ADGRL3: variants seen among roughly 807,000 people sequenced by gnomAD.
ADGRL3 encodes the protein calcium-independent alpha-latrotoxin receptor 3.
ADGRL3 carries 62 observed loss-of-function variants against 153.5 expected under a neutral mutation model. The observed-to-expected ratio is 0.40, with a 90% CI of 0.33 to 0.50. The LOEUF (loss-of-function observed/expected upper bound fraction) is 0.50, where lower values mean the gene tolerates loss of function less well. Among genes scored for constraint, ADGRL3 ranks in the 20% least tolerant of loss-of-function variants. The probability of loss-of-function intolerance (pLI) is 0.47; values close to 1 mark genes in which losing one functional copy is unlikely to be tolerated. For synonymous variants in ADGRL3, 710 were observed against 672.5 expected, an observed-to-expected ratio of 1.06 and a Z score of -0.86; for missense variants, 1,641 against 1,859.4, an observed-to-expected ratio of 0.88 and a Z score of 2.16.
intron 4 of ADGRL3, among the ~76,000 whole-genome samples, chr4:61,570,351 C>G (rs1165422930): frequency 5.9e-5 from 9 of 152,094 alleles, no homozygotes; most frequent in Non-Finnish European, 1.5e-5. Context: ...GGGTATTACT[C>G]TCTTTCTATT....
chr4:61,860,928 C>T (rs1031876529), intron 9 of ADGRL3, among the ~76,000 whole-genome samples: 4 of 152,118 alleles, frequency 2.6e-5, no homozygotes, highest in African/African-American at 7.2e-5. Flanking sequence ...TCAGTCTGAT[C>T]GTTAAGTCTT....
At position 61,735,968 on chromosome 4, in the gene ADGRL3, C is replaced by T. The variant is rs547249641; in HGVS notation, c.1399+2414C>T. 7.2e-5 allele frequency among the ~76,000 whole-genome samples: 11 copies of T among 151,728 alleles called. No individual in the cohort carries two copies. In the East Asian group the frequency reaches 9.7e-4, roughly 13 times the overall value. Reference sequence around the variant, plus strand: ...ATAATCCCATGTGTTTAAAAACTTGCCAAAAATATTTTTAGCATACATACA... The same window carrying T: ...ATAATCCCATGTGTTTAAAAACTTGTCAAAAATATTTTTAGCATACATACA... On this transcript the variant is annotated intron_variant, in intron 8 of 26. Coordinates refer to ENST00000683033, the MANE Select transcript of ADGRL3 (RefSeq NM_001387552.1).
intron 4 of ADGRL3, among the ~76,000 whole-genome samples, chr4:61,557,817 G>GTTTT (rs1190393227): frequency 6.6e-6 from 1 of 151,380 alleles, no homozygotes; most frequent in African/African-American, 2.4e-5. Context: ...TGTTTGATTG[G>GTTTT]TTTTGTTTGT....
chr4:61,773,926 A>C (rs1462453391), intron 8 of ADGRL3, among the ~76,000 whole-genome samples: 1 of 152,186 alleles, frequency 6.6e-6, no homozygotes, highest in Non-Finnish European at 1.5e-5. Flanking sequence ...TGGGAAGGTA[A>C]ATATATGCGG....
chr4:61,772,923 T>G (rs1384086132), intron 8 of ADGRL3, among the ~76,000 whole-genome samples: 1 of 152,178 alleles, frequency 6.6e-6, no homozygotes, highest in Non-Finnish European at 1.5e-5. Flanking sequence ...TTTAAAATAT[T>G]ATGTTTAAAA....
intron 2 of ADGRL3, among the ~76,000 whole-genome samples, chr4:61,446,639 G>C (rs771682958): frequency 6.6e-6 from 1 of 152,140 alleles, no homozygotes; most frequent in African/African-American, 2.4e-5. Flanking sequence ...AAGATAATAT[G>C]TTGGTTGATC....
rs868603233 is a variant in ADGRL3 at position 61,989,128 on chromosome 4, T to C, written c.3236+5525T>C. Among the ~76,000 whole-genome samples, 9 of 152,206 alleles carry C rather than the reference T, an allele frequency of 5.9e-5. No individual in the cohort carries two copies. In the South Asian group the frequency reaches 1.0e-3, roughly 18 times the overall value. On this transcript the variant is annotated intron_variant, in intron 19 of 26. Transcript: ENST00000683033. The stretch of plus-strand genomic sequence containing the variant: ...ATGTAGGTAGAAAAGTGATTATAGA[T>C]TTCTAAAAAATATCAGATTAGTGTA...
In ADGRL3 at chr4:61,210,798, T is replaced by C. The variant is rs189923010; in HGVS notation, c.-240+9033T>C. On this transcript the variant is annotated intron_variant, in intron 1 of 26. Transcript: ENST00000683033. Reference sequence around the variant, plus strand: ...CTTCAAGGCGTGGACAAAGAACCTATTGAGAAATCATTTTCTGTTAACACA... The same window carrying C: ...CTTCAAGGCGTGGACAAAGAACCTACTGAGAAATCATTTTCTGTTAACACA... Among the ~76,000 whole-genome samples, 12 of 152,342 alleles carry C rather than the reference T, an allele frequency of 7.9e-5. No individual in the cohort carries two copies. In the South Asian group the frequency reaches 1.2e-3, roughly 16 times the overall value.
At position 61,745,513 on chromosome 4, in the gene ADGRL3, G is replaced by A. The variant is rs962744815; in HGVS notation, c.1399+11959G>A. 1.9e-3 allele frequency among the ~76,000 whole-genome samples: 295 copies of A among 152,204 alleles called. 2 individuals carry two copies. The highest frequency in any genetic ancestry group is 2.5e-3 in the African/African-American group (105 of 41,514). On this transcript the variant is annotated intron_variant, in intron 8 of 26. Coordinates refer to ENST00000683033, the MANE Select transcript of ADGRL3 (RefSeq NM_001387552.1). ...CCATCAGACTAACAGCTGATCTCTCGGCAGAAACTCTACAAGCCAGAAGAC... is the reference window on the plus strand; with the variant it reads ...CCATCAGACTAACAGCTGATCTCTCAGCAGAAACTCTACAAGCCAGAAGAC...
intron 2 of ADGRL3, among the ~76,000 whole-genome samples, chr4:61,471,453 ATTTG>A (rs1189144105): frequency 4.6e-5 from 7 of 151,790 alleles, no homozygotes; most frequent in East Asian, 1.9e-4. Flanking sequence ...TTAAATACCA[ATTTG>A]TTTGTTTTTT....
At chr4:61,408,539 G>T (rs919708071) in intron 2 of ADGRL3, among the ~76,000 whole-genome samples, 1 of 151,536 alleles carries the variant, frequency 6.6e-6, no homozygotes, top group Non-Finnish European at 1.5e-5. Context: ...GTATTTTCCA[G>T]TTCTTATTGG....
intron 8 of ADGRL3, among the ~76,000 whole-genome samples, chr4:61,761,325 T>G (rs79959286): frequency 0.02 from 3,103 of 152,300 alleles, 72 homozygotes; most frequent in East Asian, 0.076. Flanking sequence ...ATAAACTAAG[T>G]TCCTCCCAAA....
chr4:62,031,729 C>A, intron 23 of ADGRL3, 119 bp downstream of exon 23: 1 of 690,824 alleles, frequency 1.4e-6, no homozygotes, highest in Non-Finnish European at 2.3e-6. Flanking sequence ...TAAAGATACT[C>A]ATCATTTATA....
intron 2 of ADGRL3, among the ~76,000 whole-genome samples, chr4:61,400,284 A>C (rs1289191442): frequency 6.6e-6 from 1 of 151,894 alleles, no homozygotes; most frequent in African/African-American, 2.4e-5. Flanking sequence ...TTAAAATGTC[A>C]CAGTTTCATT....
intron 25 of ADGRL3, among the ~76,000 whole-genome samples, chr4:62,050,964 T>C (rs924578913): frequency 5.9e-5 from 9 of 151,848 alleles, no homozygotes; most frequent in Admixed American, 1.3e-4. Context: ...AAGTATTCAA[T>C]GACATAGGTA....
At chr4:62,013,000 G>A (rs1185336485) in intron 21 of ADGRL3, among the ~76,000 whole-genome samples, 2 of 152,158 alleles carry the variant, frequency 1.3e-5, no homozygotes, top group East Asian at 3.9e-4. Flanking sequence ...GAATCAAAGG[G>A]AGCAGCAGCT....
intron 5 of ADGRL3, among the ~76,000 whole-genome samples, chr4:61,601,766 T>A (rs911606298): frequency 1.3e-4 from 20 of 152,304 alleles, no homozygotes; most frequent in African/African-American, 4.8e-4. Flanking sequence ...ATAATTGTTT[T>A]TGAAAAGATT....
At chr4:61,990,952 C>CTGTGTGTGTGTG (rs34294452) in intron 19 of ADGRL3, among the ~76,000 whole-genome samples, 4 of 142,272 alleles carry the variant, frequency 2.8e-5, no homozygotes, top group African/African-American at 1.0e-4. Flanking sequence ...ATGTTTGAAA[C>CTGTGTGTGTGTG]TGTGTGTGTG....
intron 2 of ADGRL3, among the ~76,000 whole-genome samples, chr4:61,391,009 T>C (rs2096795853): frequency 6.6e-6 from 1 of 152,258 alleles, no homozygotes; most frequent in Non-Finnish European, 1.5e-5. Flanking sequence ...TATTTTATTG[T>C]ATAGATGTAT....
Sources: gnomAD v4.1 joint callset for allele counts (sites outside exome capture counted in the v4.1 genomes callset) on GRCh38, gnomAD v4.1.1 for gene constraint, MANE v1.5 for transcripts, NCBI Gene and HGNC (gene_info 2026-07-23, HGNC 2026-07-21) for gene names.